FGF14: variants seen among roughly 807,000 people sequenced by gnomAD.
FGF14 encodes the protein fibroblast growth factor 14.
In FGF14, 5 loss-of-function variants were observed where a neutral mutation model predicts 25.5. The ratio of observed to expected loss-of-function variants is 0.20; its 90% CI spans 0.10 to 0.41. The LOEUF (loss-of-function observed/expected upper bound fraction) is 0.41, where lower values mean the gene tolerates loss of function less well. Among genes scored for constraint, FGF14 ranks in the 10% least tolerant of loss-of-function variants. The pLI is 1.00. For synonymous variants in FGF14, 138 were observed against 118.3 expected (o/e 1.17, Z -1.08); for missense variants, 222 against 320.1 (o/e 0.69, Z 2.34).
upstream of FGF14, among the ~76,000 whole-genome samples, chr13:101,920,374 C>G (rs2033910517): frequency 6.6e-6 from 1 of 152,170 alleles, no homozygotes; most frequent in Non-Finnish European, 1.5e-5. Context: ...CATTTCTTGA[C>G]TCTGCAACTT....
intron 3 of FGF14, among the ~76,000 whole-genome samples, chr13:101,735,619 A>G (rs2036131470): frequency 6.6e-6 from 1 of 152,082 alleles, no homozygotes; most frequent in Non-Finnish European, 1.5e-5. Context: ...AGAAACATTG[A>G]ACAAAATAGA....
chr13:102,010,342 GGAA>G (rs1409619173), intron 1 of FGF14, among the ~76,000 whole-genome samples: 3 of 152,094 alleles, frequency 2.0e-5, no homozygotes, highest in Non-Finnish European at 4.4e-5. Context: ...TACGGAGAGA[GGAA>G]GAAGCCTCGA....
At chr13:101,845,140 C>A (rs1243901336) in intron 3 of FGF14, among the ~76,000 whole-genome samples, 1 of 151,958 alleles carries the variant, frequency 6.6e-6, no homozygotes, top group East Asian at 1.9e-4. Context: ...ATACAGTACG[C>A]CTTCATCGGT....
intron 1 of FGF14, among the ~76,000 whole-genome samples, chr13:102,068,728 C>A (rs1404727296): frequency 6.6e-6 from 1 of 152,220 alleles, no homozygotes; most frequent in African/African-American, 2.4e-5. Flanking sequence ...GGCTCGGGAC[C>A]TGCAGCCTGC....
intron 1 of FGF14, among the ~76,000 whole-genome samples, chr13:102,149,784 A>G (rs886163597): frequency 6.6e-6 from 1 of 152,182 alleles, no homozygotes; most frequent in African/African-American, 2.4e-5. Flanking sequence ...GAAGCCTTGT[A>G]AGGGGAGTTA....
intron 1 of FGF14, among the ~76,000 whole-genome samples, chr13:102,283,988 G>T (rs2053970854): frequency 6.6e-6 from 1 of 152,110 alleles, no homozygotes. Context: ...ACTTACTTTT[G>T]CAGGCAAAAA....
At chr13:101,952,402 G>A (rs185887267) in intron 1 of FGF14, among the ~76,000 whole-genome samples, 192 of 135,608 alleles carry the variant, frequency 1.4e-3, no homozygotes, top group Middle Eastern at 3.8e-3. Context: ...TTCTTTGTCC[G>A]TTTTTGGCTA....
chr13:102,254,897 G>T (rs750363650), intron 1 of FGF14, among the ~76,000 whole-genome samples: 2 of 152,154 alleles, frequency 1.3e-5, no homozygotes, highest in South Asian at 4.1e-4. Flanking sequence ...TCACCAACTT[G>T]CTTCATGTTT....
rs2036221296 is a variant in FGF14 at position 101,736,828 on chromosome 13, T to G, written c.409-10018A>C. On this transcript the variant is annotated intron_variant, in intron 3 of 4. Coordinates refer to ENST00000376143, the MANE Select transcript of FGF14 (RefSeq NM_004115.4). ...TAGTAAGTGGCGAAGCAGGTTCTAA[T>G]GCCAACCTGAGTCTACAGCCTTCGC... Among the ~76,000 whole-genome samples, 3 of 151,790 alleles carry G rather than the reference T, an allele frequency of 2.0e-5. No individual in the cohort carries two copies. In the South Asian group the frequency reaches 6.2e-4, roughly 32 times the overall value.
intron 1 of FGF14, among the ~76,000 whole-genome samples, chr13:102,188,969 AAAG>A (rs1188134411): frequency 1.5e-5 from 1 of 64,766 alleles, no homozygotes; most frequent in East Asian, 4.2e-4. Flanking sequence ...AGAAAGAAAG[AAAG>A]AAAGAAAGAA....
chr13:101,766,041 C>T (rs1008957860), intron 3 of FGF14, among the ~76,000 whole-genome samples: 1 of 152,052 alleles, frequency 6.6e-6, no homozygotes, highest in Non-Finnish European at 1.5e-5. Context: ...CCTTTTACTT[C>T]TTAAACAAAT....
At chr13:101,921,919 T>C (rs964240807), upstream of FGF14, among the ~76,000 whole-genome samples, 1 of 152,346 alleles carries the variant, frequency 6.6e-6, no homozygotes, top group African/African-American at 2.4e-5. Flanking sequence ...CTTGCTACCC[T>C]GCTTTATGGT....
rs2139619486 is a variant in FGF14, at chr13:101,714,800, TC to T, written c.*8030del. 2 of 497,106 alleles carry T rather than the reference TC, an allele frequency of 4.0e-6. No individual in the cohort carries two copies. Among genetic ancestry groups the T allele is most frequent in the East Asian group, 3.4e-5 (1 of 29,816 alleles). The allele number at this position is 497,106 out of a possible 1,614,324, so 30.8% of individuals were successfully genotyped here. A position where few individuals can be genotyped will look rare whatever the true frequency, so the allele number is the denominator to read the frequency against. Reference sequence around the variant, plus strand: ...TTTGGGATCCTTCCACAAAGTAACCTCCCCACCCTCAAACTCACATGTATGC... The same window carrying T: ...TTTGGGATCCTTCCACAAAGTAACCTCCCACCCTCAAACTCACATGTATGC... On this transcript the variant is annotated 3_prime_UTR_variant, in exon 5 of 5. Transcript: ENST00000376143.
intron 1 of FGF14, among the ~76,000 whole-genome samples, chr13:101,983,135 A>C (rs762775920): frequency 1.4e-5 from 2 of 145,700 alleles, no homozygotes; most frequent in Admixed American, 6.7e-5. Flanking sequence ...GGCTTTCAGA[A>C]TTAACATGTT....
intron 1 of FGF14, among the ~76,000 whole-genome samples, chr13:101,997,646 T>C (rs1347622432): frequency 6.6e-6 from 1 of 152,174 alleles, no homozygotes; most frequent in Non-Finnish European, 1.5e-5. Context: ...GATAGAGATG[T>C]TGCTAGTCCG....
intron 1 of FGF14, among the ~76,000 whole-genome samples, chr13:102,281,331 T>C (rs1367676492): frequency 6.6e-6 from 1 of 152,152 alleles, no homozygotes; most frequent in African/African-American, 2.4e-5. Flanking sequence ...AAATGTCCAG[T>C]AAAGAAGAAG....
intron 1 of FGF14, among the ~76,000 whole-genome samples, chr13:102,385,320 G>A (rs964943157): frequency 6.6e-6 from 1 of 152,126 alleles, no homozygotes; most frequent in Non-Finnish European, 1.5e-5. Context: ...CACACATTTG[G>A]AGATTCCAAC....
At chr13:102,099,589 G>A (rs1161390895) in intron 1 of FGF14, among the ~76,000 whole-genome samples, 1 of 151,768 alleles carries the variant, frequency 6.6e-6, no homozygotes, top group African/African-American at 2.4e-5. Context: ...TTCAAAAAAG[G>A]CTCAAAGTCA....
At position 101,971,859 on chromosome 13, in the gene FGF14, A is replaced by G. The variant is rs187346051; in HGVS notation, c.209-96563T>C. On this transcript the variant is annotated intron_variant, in intron 1 of 4. Coordinates refer to the FGF14 transcript ENST00000376131. ...CCCTTATAAAATCAAGTTAGTAATA[A>G]CACAGTGCAGCCAATACATAACTGT... Among the ~76,000 whole-genome samples, 51 of 152,342 alleles carry G rather than the reference A, an allele frequency of 3.3e-4. No individual in the cohort carries two copies. In the East Asian group the frequency reaches 5.4e-3, roughly 16 times the overall value.
Sources: allele counts gnomAD v4.1 joint callset (sites outside exome capture counted in the v4.1 genomes callset), GRCh38; gene constraint gnomAD v4.1.1; transcripts MANE v1.5; gene names NCBI Gene and HGNC (gene_info 2026-07-23, HGNC 2026-07-21).